The following EEFSEC variants were observed in gnomAD, a reference collection of about 807,000 sequenced individuals.
EEFSEC encodes the protein eukaryotic elongation factor, selenocysteine-tRNA specific.
Under a neutral mutation model 42.1 loss-of-function variants are expected in EEFSEC, and 43 were observed. The ratio of observed to expected loss-of-function variants is 1.02; its 90% CI spans 0.80 to 1.32. The LOEUF is 1.32. EEFSEC is among the 40% of genes most tolerant of loss of function. The probability of loss-of-function intolerance (pLI) is 0.00; values close to 1 mark genes in which losing one functional copy is unlikely to be tolerated. For synonymous variants in EEFSEC, 354 were observed against 339.1 expected (o/e 1.04, Z -0.48); for missense variants, 745 against 803.6 (o/e 0.93, Z 0.88).
intron 1 of EEFSEC, among the ~76,000 whole-genome samples, chr3:128,156,932 AG>A (rs2107754821): frequency 6.6e-6 from 1 of 152,380 alleles, no homozygotes; most frequent in African/African-American, 2.4e-5. Context: ...GAAATGATTA[AG>A]CTTAGTGATG....
At chr3:128,359,273 G>T (rs2067496460) in intron 6 of EEFSEC, among the ~76,000 whole-genome samples, 1 of 152,156 alleles carries the variant, frequency 6.6e-6, no homozygotes, top group South Asian at 2.1e-4. Flanking sequence ...CAGTTGTTTG[G>T]CAAAAGTGTG....
intron 4 of EEFSEC, among the ~76,000 whole-genome samples, chr3:128,315,581 C>T (rs1248342816): frequency 1.3e-5 from 2 of 152,162 alleles, no homozygotes; most frequent in African/African-American, 4.8e-5. Context: ...TGGGGAGGCC[C>T]AGGAGGGAGG....
At chr3:128,213,180 C>T (rs1333842151) in intron 1 of EEFSEC, among the ~76,000 whole-genome samples, 1 of 152,212 alleles carries the variant, frequency 6.6e-6, no homozygotes, top group African/African-American at 2.4e-5. Flanking sequence ...GCAGTTGCTG[C>T]ATTACTTATA....
intron 1 of EEFSEC, among the ~76,000 whole-genome samples, chr3:128,155,146 C>G (rs1025691313): frequency 6.6e-6 from 1 of 151,986 alleles, no homozygotes; most frequent in Non-Finnish European, 1.5e-5. Context: ...GATGGAGTCT[C>G]GCTCTGTTAC....
intron 1 of EEFSEC, 158 bp downstream of exon 1, chr3:128,153,981 G>T: frequency 9.0e-7 from 1 of 1,106,768 alleles, no homozygotes; most frequent in Non-Finnish European, 1.2e-6. Flanking sequence ...CTTGCCTAGG[G>T]CTCCGCAGCA....
chr3:128,424,148 AG>A, the EEFSEC span, among the ~76,000 whole-genome samples: 1 of 152,184 alleles, frequency 6.6e-6, no homozygotes, highest in African/African-American at 2.4e-5. Flanking sequence ...CACCTCTGGC[AG>A]GCTGCAGGAA....
At chr3:128,297,601 T>C (rs1474695833) in intron 4 of EEFSEC, among the ~76,000 whole-genome samples, 1 of 152,162 alleles carries the variant, frequency 6.6e-6, no homozygotes, top group African/African-American at 2.4e-5. Flanking sequence ...TCCCAGAGCT[T>C]CCTGCCTCAT....
intron 6 of EEFSEC, among the ~76,000 whole-genome samples, chr3:128,394,720 G>C (rs749326582): frequency 2.0e-5 from 3 of 152,222 alleles, no homozygotes; most frequent in Non-Finnish European, 2.9e-5. Context: ...GGCCAGCCTT[G>C]GGGGGCTGTC....
At chr3:128,375,180 G>A (rs2067695441) in intron 6 of EEFSEC, among the ~76,000 whole-genome samples, 1 of 152,238 alleles carries the variant, frequency 6.6e-6, no homozygotes, top group African/African-American at 2.4e-5. Context: ...ACTGTCCTGT[G>A]AGTTCGAGTG....
intron 6 of EEFSEC, among the ~76,000 whole-genome samples, chr3:128,404,464 C>G (rs1433711223): frequency 6.6e-6 from 1 of 152,268 alleles, no homozygotes; most frequent in Non-Finnish European, 1.5e-5. Flanking sequence ...CCCAGCCCAG[C>G]ACAGACGCCG....
intron 1 of EEFSEC, among the ~76,000 whole-genome samples, chr3:128,240,099 C>T (rs573112363): frequency 6.6e-6 from 1 of 152,352 alleles, no homozygotes; most frequent in Admixed American, 6.5e-5. Flanking sequence ...AGGTCACAGG[C>T]ACTGTGCAGG....
At chr3:128,358,765 A>G (rs1368621800) in intron 6 of EEFSEC, among the ~76,000 whole-genome samples, 1 of 152,034 alleles carries the variant, frequency 6.6e-6, no homozygotes, top group Non-Finnish European at 1.5e-5. Flanking sequence ...GGCACGTGGT[A>G]AGGTTTCCAG....
chr3:128,246,979 G>A lies in EEFSEC; in HGVS notation c.460G>A (p.Gly154Arg). ...VLNKIDLLPE[G>R]KRQAAIDKMT... ...GAACAAAATAGACCTCTTACCTGAA[G>A]GAAAGAGACAGGCAGCAATTGATAA... Residue 154 changes from glycine to arginine, a missense_variant, in exon 2 of 7, where the codon GGA becomes AGA. Gly to Arg is a moderately radical substitution (Grantham distance 125). Transcript: ENST00000254730. 5 of 1,614,176 alleles carry A rather than the reference G, an allele frequency of 3.1e-6. No homozygotes were observed. Among genetic ancestry groups the A allele is most frequent in the Non-Finnish European group, 4.2e-6 (5 of 1,180,044 alleles).
chr3:128,292,994 T>A (rs1576613472), intron 4 of EEFSEC, among the ~76,000 whole-genome samples: 1 of 152,342 alleles, frequency 6.6e-6, no homozygotes, highest in East Asian at 1.9e-4. Flanking sequence ...AATCATTTGG[T>A]TAAAAGTATT....
At chr3:128,403,431 C>T (rs1330209054) in intron 6 of EEFSEC, among the ~76,000 whole-genome samples, 3 of 152,204 alleles carry the variant, frequency 2.0e-5, no homozygotes, top group Non-Finnish European at 4.4e-5. Flanking sequence ...TAGGTCCTAG[C>T]AGAGCGGGTG....
intron 4 of EEFSEC, among the ~76,000 whole-genome samples, chr3:128,295,340 A>G (rs1291272877): frequency 6.1e-5 from 9 of 148,638 alleles, no homozygotes; most frequent in Non-Finnish European, 1.2e-4. Context: ...ATAATTTTTG[A>G]TTTGGCATTT....
intron 6 of EEFSEC, among the ~76,000 whole-genome samples, chr3:128,402,153 A>G (rs1387178718): frequency 1.3e-5 from 2 of 152,214 alleles, no homozygotes; most frequent in Admixed American, 6.5e-5. Context: ...GTCACAGTAG[A>G]AGCCTTGGGA....
intron 6 of EEFSEC, among the ~76,000 whole-genome samples, chr3:128,389,676 G>A (rs979868793): frequency 5.3e-5 from 8 of 152,266 alleles, no homozygotes; most frequent in Non-Finnish European, 7.3e-5. Context: ...TTCACTGGAC[G>A]TGGTTGTTTC....
chr3:128,272,717 T>C (rs1198229116), intron 4 of EEFSEC, among the ~76,000 whole-genome samples: 3 of 152,170 alleles, frequency 2.0e-5, no homozygotes, highest in Non-Finnish European at 2.9e-5. Context: ...CCTGGCCTGG[T>C]TGGACGGGAG....
Sources: allele counts gnomAD v4.1 joint callset (sites outside exome capture counted in the v4.1 genomes callset), GRCh38; gene constraint gnomAD v4.1.1; transcripts MANE v1.5; gene names NCBI Gene and HGNC (gene_info 2026-07-23, HGNC 2026-07-21).